Variants in STK32B observed in about 807,000 individuals in gnomAD.
STK32B encodes serine/threonine-protein kinase 32B.
In STK32B, 43 loss-of-function variants were observed where a neutral mutation model predicts 52.6. The observed-to-expected ratio is 0.82, with a 90% CI of 0.64 to 1.05. STK32B has a LOEUF of 1.05. Ranked by LOEUF, STK32B falls within the 50% of genes least tolerant of loss-of-function variation. The probability of loss-of-function intolerance (pLI) is 0.00; values close to 1 mark genes in which losing one functional copy is unlikely to be tolerated. For missense variants in STK32B, 621 were observed against 534.6 expected, an observed-to-expected ratio of 1.16 and a Z score of -1.59; for synonymous variants, 238 against 204.3, an observed-to-expected ratio of 1.17 and a Z score of -1.41.
At chr4:5,362,759 C>T (rs1734630035) in intron 4 of STK32B, among the ~76,000 whole-genome samples, 1 of 152,210 alleles carries the variant, frequency 6.6e-6, no homozygotes, top group Non-Finnish European at 1.5e-5. Context: ...CCTGAATCCT[C>T]CCCAATTTCC....
intron 1 of STK32B, among the ~76,000 whole-genome samples, chr4:5,083,402 T>C (rs1235915968): frequency 6.6e-6 from 1 of 152,178 alleles, no homozygotes. Flanking sequence ...TTTGGCTCAT[T>C]CACATGTTTC....
upstream of STK32B, among the ~76,000 whole-genome samples, chr4:5,047,830 T>C (rs1741648030): frequency 6.6e-6 from 1 of 152,240 alleles, no homozygotes; most frequent in Admixed American, 6.5e-5. Context: ...TGGAACTGTA[T>C]GTGTGATCTT....
At chr4:5,123,587 C>G (rs116363728) in intron 1 of STK32B, among the ~76,000 whole-genome samples, 1,813 of 152,094 alleles carry the variant, frequency 0.012, 37 homozygotes, top group African/African-American at 0.041. Flanking sequence ...CTTCCAAGGC[C>G]TCTCTCCTTG....
chr4:5,060,091 C>T (rs113620755), intron 1 of STK32B, among the ~76,000 whole-genome samples: 2,350 of 152,226 alleles, frequency 0.015, 52 homozygotes, highest in African/African-American at 0.047. Context: ...CTCGGCCTCC[C>T]GAGTAGCTGG....
At chr4:5,194,341 T>C (rs1721475171) in intron 3 of STK32B, among the ~76,000 whole-genome samples, 1 of 152,184 alleles carries the variant, frequency 6.6e-6, no homozygotes. Flanking sequence ...TGGGACTTAG[T>C]ATGTTCAGAA....
At chr4:5,135,523 A>G (rs1366328204) in intron 1 of STK32B, among the ~76,000 whole-genome samples, 4 of 152,218 alleles carry the variant, frequency 2.6e-5, no homozygotes, top group Admixed American at 2.6e-4. Flanking sequence ...GAATGTTTCT[A>G]GCTTCTAGTA....
chr4:5,397,525 A>G (rs758143275), intron 4 of STK32B, among the ~76,000 whole-genome samples: 1 of 152,220 alleles, frequency 6.6e-6, no homozygotes, highest in Non-Finnish European at 1.5e-5. Flanking sequence ...ATTTTGTCCC[A>G]TGTGGGTCAC....
chr4:5,414,693 A>G (rs574412273), intron 5 of STK32B, among the ~76,000 whole-genome samples: 2 of 152,274 alleles, frequency 1.3e-5, no homozygotes, highest in Non-Finnish European at 2.9e-5. Flanking sequence ...ATATGGATAT[A>G]CATTTGCATA....
chr4:5,056,877 A>T (rs1277958458), intron 1 of STK32B, among the ~76,000 whole-genome samples: 1 of 152,232 alleles, frequency 6.6e-6, no homozygotes, highest in Non-Finnish European at 1.5e-5. Context: ...TATCAACGGA[A>T]AAAGGGCAAG....
At chr4:5,267,449 C>G (rs1339014542) in intron 3 of STK32B, among the ~76,000 whole-genome samples, 1 of 152,104 alleles carries the variant, frequency 6.6e-6, no homozygotes, top group Non-Finnish European at 1.5e-5. Context: ...AGCTTTGTAT[C>G]TAGGTAGGGA....
chr4:5,152,944 C>A (rs1247745553), intron 2 of STK32B, among the ~76,000 whole-genome samples: 1 of 152,204 alleles, frequency 6.6e-6, no homozygotes, highest in Non-Finnish European at 1.5e-5. Flanking sequence ...CAGAAACTAA[C>A]AGTGATGGTC....
At chr4:5,362,142 G>T (rs1485851214) in intron 4 of STK32B, among the ~76,000 whole-genome samples, 3 of 152,140 alleles carry the variant, frequency 2.0e-5, no homozygotes, top group Non-Finnish European at 2.9e-5. Flanking sequence ...AATAAAAATT[G>T]TATGTTGGGA....
intron 3 of STK32B, among the ~76,000 whole-genome samples, chr4:5,317,827 A>G (rs941548819): frequency 2.0e-5 from 3 of 152,018 alleles, no homozygotes; most frequent in African/African-American, 7.2e-5. Flanking sequence ...GTAGGCATTC[A>G]TCTAAGTGTT....
rs1736752353 is a variant in STK32B, at chr4:5,394,366, T to G, written c.435-3841T>G. Among the ~76,000 whole-genome samples the G allele has an allele frequency of 6.6e-6, 1 of 152,210 alleles. No homozygotes were observed. Among genetic ancestry groups the G allele is most frequent in the Admixed American group, 6.5e-5 (1 of 15,280 alleles). Reference sequence around the variant, plus strand: ...CCTTTCTGAACGTTCAAACCCGTTTTCAACAGGATGACGCGCTGGAGCTGA... The same window carrying G: ...CCTTTCTGAACGTTCAAACCCGTTTGCAACAGGATGACGCGCTGGAGCTGA... On this transcript the variant is annotated intron_variant, in intron 4 of 11. Transcript: ENST00000282908. This position sits in a 1 kb window ranked among gnomAD's most constrained non-coding sequence, Gnocchi z 4.2.
chr4:5,140,903 A>T (rs923915046), intron 2 of STK32B, among the ~76,000 whole-genome samples: 1 of 152,196 alleles, frequency 6.6e-6, no homozygotes, highest in Non-Finnish European at 1.5e-5. Context: ...GCTTATATTT[A>T]AAAAATGAGA....
At chr4:5,142,995 G>A (rs958623065) in intron 2 of STK32B, among the ~76,000 whole-genome samples, 7 of 152,128 alleles carry the variant, frequency 4.6e-5, no homozygotes, top group African/African-American at 1.7e-4. Context: ...ACTCTTTTCT[G>A]GATTTCCAGC....
At chr4:5,040,553 C>T in the STK32B span, among the ~76,000 whole-genome samples, 1 of 152,034 alleles carries the variant, frequency 6.6e-6, no homozygotes, top group Admixed American at 6.6e-5. Flanking sequence ...GCCACCATGC[C>T]CAGCTAATTT....
intron 3 of STK32B, among the ~76,000 whole-genome samples, chr4:5,184,299 G>A (rs1720573497): frequency 6.6e-6 from 1 of 152,136 alleles, no homozygotes. Context: ...AGACCCAAGG[G>A]GAGGGAGTGA....
intron 1 of STK32B, among the ~76,000 whole-genome samples, chr4:5,053,994 A>C (rs1047936161): frequency 1.4e-5 from 2 of 147,936 alleles, no homozygotes; most frequent in Non-Finnish European, 3.0e-5. Context: ...TAAATAAATA[A>C]ATAAATAAAT....
Sources: allele counts gnomAD v4.1 joint callset (sites outside exome capture counted in the v4.1 genomes callset), GRCh38; gene constraint gnomAD v4.1.1; non-coding constraint Gnocchi (gnomAD v3.1); transcripts MANE v1.5; gene names NCBI Gene and HGNC (gene_info 2026-07-23, HGNC 2026-07-21).